CSMD1: variants seen among roughly 807,000 people sequenced by gnomAD.
CSMD1 encodes the protein CUB and Sushi multiple domains 1.
A neutral mutation model predicts 417.5 loss-of-function variants in CSMD1; 213 were observed. That is an observed-to-expected ratio of 0.51 (90% CI 0.46 to 0.57). The LOEUF (loss-of-function observed/expected upper bound fraction) is 0.57. Among genes scored for constraint, CSMD1 ranks in the 20% least tolerant of loss-of-function variants. The probability of loss-of-function intolerance (pLI) is 0.00; values close to 1 mark genes in which losing one functional copy is unlikely to be tolerated. For missense variants in CSMD1, 6,923 were observed against 4,529.7 expected, an observed-to-expected ratio of 1.53 and a Z score of -15.17; for synonymous variants, 2,862 against 1,736.8, an observed-to-expected ratio of 1.65 and a Z score of -16.11.
chr8:3,441,049 T>C (rs756670512), intron 12 of CSMD1, among the ~76,000 whole-genome samples: 2 of 152,150 alleles, frequency 1.3e-5, no homozygotes, highest in Non-Finnish European at 1.5e-5. Flanking sequence ...CGAATGCCTT[T>C]GTATGAAACA....
intron 1 of CSMD1, among the ~76,000 whole-genome samples, chr8:4,936,834 AAAAAT>A (rs1220807349): frequency 3.3e-5 from 5 of 152,232 alleles, no homozygotes; most frequent in Admixed American, 1.3e-4. Flanking sequence ...GCTGCTAAAT[AAAAAT>A]AATACATAAA....
At chr8:3,480,110 G>A (rs1018499252) in intron 11 of CSMD1, among the ~76,000 whole-genome samples, 1 of 152,162 alleles carries the variant, frequency 6.6e-6, no homozygotes, top group Admixed American at 6.5e-5. Context: ...TGTAATCTCA[G>A]CACTTTGGGA....
intron 1 of CSMD1, among the ~76,000 whole-genome samples, chr8:4,811,205 G>A (rs1038009124): frequency 6.6e-6 from 1 of 152,116 alleles, no homozygotes; most frequent in African/African-American, 2.4e-5. Flanking sequence ...CTGGAAAATG[G>A]TGAATCACGA....
chr8:4,325,642 C>T (rs527740795), intron 3 of CSMD1, among the ~76,000 whole-genome samples: 1 of 152,064 alleles, frequency 6.6e-6, no homozygotes, highest in East Asian at 1.9e-4. Flanking sequence ...CCAAACTACC[C>T]AAATTACACA....
At chr8:4,266,457 T>C (rs1182371080) in intron 3 of CSMD1, among the ~76,000 whole-genome samples, 1 of 104,844 alleles carries the variant, frequency 9.5e-6, no homozygotes, top group Non-Finnish European at 2.6e-5. Context: ...GATGATTGGT[T>C]AGATAGAAGC....
Position 3,383,009 on chromosome 8 carries a change from G to A in CSMD1, c.2782+4485C>T, listed in dbSNP as rs146808913. The stretch of plus-strand genomic sequence containing the variant: ...GACAAAGTCAGCCGAACAATGAGAG[G>A]AGAAACAGGATCTCAAATACCAATG... On this transcript the variant is annotated intron_variant, in intron 18 of 69. Transcript: ENST00000635120. 1.1e-3 allele frequency among the ~76,000 whole-genome samples: 161 copies of A among 152,286 alleles called. 1 individual carries two copies. The Middle Eastern group carries it at 0.034, about 32-fold the overall frequency.
chr8:4,894,050 G>A (rs910308986), intron 1 of CSMD1, among the ~76,000 whole-genome samples: 1 of 151,950 alleles, frequency 6.6e-6, no homozygotes. Flanking sequence ...TGTTTAAGTT[G>A]TATTTTCCTA....
chr8:2,943,866 A>G (rs1162290221), intron 68 of CSMD1, among the ~76,000 whole-genome samples: 10 of 152,254 alleles, frequency 6.6e-5, no homozygotes, highest in Admixed American at 6.5e-4. Context: ...TCCAGAATTT[A>G]TAAAATGTCA....
intron 30 of CSMD1, among the ~76,000 whole-genome samples, chr8:3,211,413 G>A (rs1797599085): frequency 6.6e-6 from 1 of 152,132 alleles, no homozygotes; most frequent in Non-Finnish European, 1.5e-5. Context: ...CTGCTGAGAT[G>A]GTCAGTACCT....
intron 2 of CSMD1, among the ~76,000 whole-genome samples, chr8:4,607,572 G>C (rs980904435): frequency 2.0e-5 from 3 of 152,166 alleles, no homozygotes; most frequent in Non-Finnish European, 4.4e-5. Context: ...CTCATTAAAT[G>C]CTCATTAGCA....
intron 3 of CSMD1, among the ~76,000 whole-genome samples, chr8:4,116,704 G>A (rs1181752162): frequency 6.6e-6 from 1 of 152,018 alleles, no homozygotes; most frequent in Non-Finnish European, 1.5e-5. Context: ...GAACAAACGC[G>A]CCATGCAGCA....
intron 2 of CSMD1, among the ~76,000 whole-genome samples, chr8:4,551,104 T>A (rs1188107005): frequency 6.6e-6 from 1 of 152,216 alleles, no homozygotes; most frequent in Non-Finnish European, 1.5e-5. Context: ...AATGTGGTTA[T>A]AATTACCTAA....
intron 3 of CSMD1, among the ~76,000 whole-genome samples, chr8:4,193,721 C>T (rs11985852): frequency 0.22 from 33,190 of 152,048 alleles, 3,747 homozygotes; most frequent in Admixed American, 0.31. Context: ...GCAGGAACCA[C>T]GTCTCCACAG....
Position 3,307,828 on chromosome 8 carries a change from A to C in CSMD1, c.3824-7T>G. 2 of 1,610,204 alleles carry C rather than the reference A, an allele frequency of 1.2e-6. No individual in the cohort carries two copies. The highest frequency in any genetic ancestry group is 1.1e-5 in the South Asian group (1 of 90,004). ...ATCTGACCACCACATTCCGCTGTAG[A>C]AGACACAGAGAGATGGGAACGTTCA... On this transcript the variant is annotated splice_region_variant and splice_polypyrimidine_tract_variant and intron_variant, in intron 24 of 69. Transcript: ENST00000635120.
chr8:3,478,056 A>G (rs77835718), intron 11 of CSMD1, among the ~76,000 whole-genome samples: 2,211 of 152,330 alleles, frequency 0.015, 76 homozygotes, highest in East Asian at 0.14. Flanking sequence ...CCCCACTGGC[A>G]TCAACATGAA....
chr8:2,974,719 G>C lies in CSMD1; in HGVS notation c.8567-95C>G, dbSNP rs112367433. ...ATACAGACACCCATACTGACATCAT[G>C]TATTAAAGAAAAACACCTAAATATT... On this transcript the variant is annotated intron_variant, in intron 55 of 69. Transcript: ENST00000635120. 1,996 of 828,456 alleles carry C rather than the reference G, an allele frequency of 2.4e-3. 28 individuals carry two copies. The African/African-American group carries it at 0.03, about 13-fold the overall frequency. 51.3% of individuals were successfully genotyped at this position (828,456 alleles called of 1,614,324 possible). A position where few individuals can be genotyped will look rare whatever the true frequency, so the allele number is the denominator to read the frequency against.
At chr8:4,983,102 GA>G (rs1563929548) in intron 1 of CSMD1, among the ~76,000 whole-genome samples, 1 of 152,230 alleles carries the variant, frequency 6.6e-6, no homozygotes, top group African/African-American at 2.4e-5. Context: ...AGTATACAAA[GA>G]AAAACAGTCA....
At chr8:4,019,047 T>C (rs1796658223) in intron 4 of CSMD1, among the ~76,000 whole-genome samples, 1 of 152,212 alleles carries the variant, frequency 6.6e-6, no homozygotes, top group Non-Finnish European at 1.5e-5. Flanking sequence ...CTTTATCGCT[T>C]TGAGACAGAT....
intron 3 of CSMD1, among the ~76,000 whole-genome samples, chr8:4,151,123 T>C (rs58069094): frequency 0.21 from 31,836 of 152,120 alleles, 3,444 homozygotes; most frequent in South Asian, 0.34. Flanking sequence ...GATATTAGGA[T>C]CCCTGTTCAC....
Sources: gnomAD v4.1 joint callset for allele counts (sites outside exome capture counted in the v4.1 genomes callset) on GRCh38, gnomAD v4.1.1 for gene constraint, MANE v1.5 for transcripts, NCBI Gene and HGNC (gene_info 2026-07-23, HGNC 2026-07-21) for gene names.